The following DLST variants were observed in gnomAD, a reference collection of about 807,000 sequenced individuals.
DLST encodes the protein dihydrolipoamide S-succinyltransferase, also known as dihydrolipoyllysine-residue succinyltransferase component of 2-oxoglutarate dehydrogenase complex, mitochondrial.
Under a neutral mutation model 53.1 loss-of-function variants are expected in DLST, and 17 were observed. That is an observed-to-expected ratio of 0.32 (90% CI 0.22 to 0.48). The LOEUF (loss-of-function observed/expected upper bound fraction) is 0.48. Among genes scored for constraint, DLST ranks in the 20% least tolerant of loss-of-function variants. The probability of loss-of-function intolerance (pLI) is 0.99; values close to 1 mark genes in which losing one functional copy is unlikely to be tolerated. For synonymous variants in DLST, 206 were observed against 204.8 expected (o/e 1.01, Z -0.05); for missense variants, 512 against 583.9 (o/e 0.88, Z 1.27).
chr14:74,886,299 C>G (rs941419780), intron 3 of DLST, among the ~76,000 whole-genome samples: 1 of 152,214 alleles, frequency 6.6e-6, no homozygotes, highest in Non-Finnish European at 1.5e-5. Flanking sequence ...GGATGAGCTT[C>G]TTACTTACTC....
At chr14:74,894,506 TGTCAG>T in intron 10 of DLST, 97 bp downstream of exon 10, 2 of 1,245,376 alleles carry the variant, frequency 1.6e-6, no homozygotes, top group Non-Finnish European at 1.1e-6. Flanking sequence ...AAAACTAACT[TGTCAG>T]GGAAGAGGTA....
intron 5 of DLST, 64 bp downstream of exon 5, chr14:74,889,413 G>GC (rs1566790718): frequency 7.5e-7 from 1 of 1,332,822 alleles, no homozygotes; most frequent in East Asian, 2.5e-5. Context: ...TCTGTTCCCA[G>GC]CCTGGAGTGC....
At chr14:74,900,073 A>C in intron 12 of DLST, 77 bp downstream of exon 12, 1 of 1,284,268 alleles carries the variant, frequency 7.8e-7, no homozygotes, top group Non-Finnish European at 1.1e-6. Flanking sequence ...ACACAAGAGA[A>C]ATCATTTCTT....
chr14:74,900,809 T>C (rs962649036), intron 13 of DLST, among the ~76,000 whole-genome samples: 1 of 152,150 alleles, frequency 6.6e-6, no homozygotes, highest in Non-Finnish European at 1.5e-5. Context: ...ACTGCAGCCT[T>C]GCACTCCTGG....
At chr14:74,896,229 G>GA (rs982443247) in intron 10 of DLST, among the ~76,000 whole-genome samples, 13 of 152,230 alleles carry the variant, frequency 8.5e-5, no homozygotes, top group Non-Finnish European at 1.8e-4. Context: ...CATTCCAGAT[G>GA]ATGTTAACAG....
rs1884196717 is a variant in DLST at position 74,900,147 on chromosome 14, C to T, written c.976-142C>T. 9.3e-6 allele frequency: 10 copies of T among 1,077,146 alleles called. No individual in the cohort carries two copies. The South Asian group carries it at 1.2e-4, about 13-fold the overall frequency. 66.7% of individuals were successfully genotyped at this position (1,077,146 alleles called of 1,614,324 possible). ...CTTTTTTTTCTTTTAAACCATGCCG[C>T]ATTCTTTTAACACTTTCTGTTAATC... is the stretch of plus-strand genomic sequence containing the variant. On this transcript the variant is annotated intron_variant, in intron 12 of 14. Coordinates refer to ENST00000334220, the MANE Select transcript of DLST (RefSeq NM_001933.5).
At chr14:74,883,209 G>A (rs1012228064) in intron 2 of DLST, among the ~76,000 whole-genome samples, 7 of 151,982 alleles carry the variant, frequency 4.6e-5, no homozygotes, top group Non-Finnish European at 1.0e-4. Flanking sequence ...GCACGAGAAT[G>A]GCGTGAAGCC....
At chr14:74,887,034 C>T (rs959048208) in intron 3 of DLST, among the ~76,000 whole-genome samples, 5 of 152,148 alleles carry the variant, frequency 3.3e-5, no homozygotes, top group South Asian at 2.1e-4. Context: ...AGCCACTGCC[C>T]GGCCTGTGTG....
chr14:74,885,525 C>T, intron 2 of DLST, 61 bp from the exon 3 acceptor site: 1 of 1,561,044 alleles, frequency 6.4e-7, no homozygotes, highest in Non-Finnish European at 8.8e-7. Flanking sequence ...CTTTTCCATT[C>T]CCAGCATGTA....
intron 3 of DLST, among the ~76,000 whole-genome samples, chr14:74,887,736 T>C (rs1883757288): frequency 6.6e-6 from 1 of 152,234 alleles, no homozygotes; most frequent in Admixed American, 6.5e-5. Flanking sequence ...TGCACTTGCA[T>C]GTTACCTGTT....
rs1884376382 is a variant in DLST, at chr14:74,903,721, A to G, written c.*1391A>G. 2.0e-5 allele frequency: 3 copies of G among 152,154 alleles called. No individual in the cohort carries two copies. The highest frequency in any genetic ancestry group is 6.5e-5 in the Admixed American group (1 of 15,288). The allele number at this position is 152,154 out of a possible 1,614,324, so 9.4% of individuals were successfully genotyped here. A position where few individuals can be genotyped will look rare whatever the true frequency, so the allele number is the denominator to read the frequency against. On this transcript the variant is annotated 3_prime_UTR_variant, in exon 15 of 15. Coordinates refer to ENST00000334220, the MANE Select transcript of DLST (RefSeq NM_001933.5). ...TTAAAGAAACTGATTTTAAATGCAAATTAAAGGGCAGATATTCTCAAACAG... is the reference window on the plus strand; with the variant it reads ...TTAAAGAAACTGATTTTAAATGCAAGTTAAAGGGCAGATATTCTCAAACAG...
Position 74,881,948 on chromosome 14 carries a change from G to C in DLST, c.-6G>C. The C allele has an allele frequency of 1.3e-6, 2 of 1,551,086 alleles. No individual in the cohort carries two copies. Among genetic ancestry groups the C allele is most frequent in the South Asian group, 1.2e-5 (1 of 85,384 alleles). ...GTGTCCGCCCGCCCTCGGCTCCTCC[G>C]CCGTGATGCTGTCCCGATCCCGCTG... is the stretch of plus-strand genomic sequence containing the variant. On this transcript the variant is annotated 5_prime_UTR_variant, in exon 1 of 15. Transcript: ENST00000334220.
chr14:74,893,436 A>G lies in DLST; in HGVS notation c.672+12A>G, dbSNP rs771481412. 4 of 1,614,194 alleles carry G rather than the reference A, an allele frequency of 2.5e-6. No individual in the cohort carries two copies. ...GTTCAGAACATCGGGTAAGCCTCTG[A>G]GGACCACTTTCAGGAAAGAGGCAGG... On this transcript the variant is annotated intron_variant, in intron 9 of 14. Transcript: ENST00000334220.
chr14:74,895,526 AAGGAGGATCGCTTGAGCTT>A (rs1353840894), intron 10 of DLST, among the ~76,000 whole-genome samples: 36 of 152,236 alleles, frequency 2.4e-4, no homozygotes, highest in Non-Finnish European at 3.5e-4. Context: ...GAGGGTGAGG[AAGGAGGATCGCTTGAGCTT>A]AGGAGTTGGA....
At chr14:74,882,358 G>T (rs1405331205) in intron 1 of DLST, among the ~76,000 whole-genome samples, 2 of 152,198 alleles carry the variant, frequency 1.3e-5, no homozygotes, top group African/African-American at 4.8e-5. Flanking sequence ...CGCCCGTCTC[G>T]TCTTGCTCTG....
chr14:74,887,735 A>G (rs772401383), intron 3 of DLST, among the ~76,000 whole-genome samples: 12 of 152,204 alleles, frequency 7.9e-5, no homozygotes, highest in Non-Finnish European at 1.3e-4. Flanking sequence ...CTGCACTTGC[A>G]TGTTACCTGT....
In DLST at chr14:74,893,404, G is replaced by A. The variant is rs373805549; in HGVS notation, c.652G>A (p.Gly218Ser). Residue 218 changes from glycine (G) to serine (S), a missense_variant, in exon 9 of 15, where the codon GGT becomes AGT. Coordinates refer to ENST00000334220, the MANE Select transcript of DLST (RefSeq NM_001933.5). ...PPLAEPGAGK[G>S]LRSEHREKMN... ...ACTAGCTGAGCCAGGAGCTGGCAAA[G>A]GTCTGCGTTCAGAACATCGGGTAAG... is the stretch of plus-strand genomic sequence containing the variant. 2 of 1,614,102 alleles carry A rather than the reference G, an allele frequency of 1.2e-6. No individual in the cohort carries two copies. The highest frequency in any genetic ancestry group is 1.7e-6 in the Non-Finnish European group (2 of 1,180,046).
chr14:74,891,334 A>G (rs966783239), intron 7 of DLST, 167 bp downstream of exon 7: 11 of 1,393,706 alleles, frequency 7.9e-6, no homozygotes, highest in African/African-American at 2.9e-5. Flanking sequence ...TCAAATGTCA[A>G]ATTCTAAAAG....
chr14:74,883,802 A>C (rs973458965), intron 2 of DLST, among the ~76,000 whole-genome samples: 1 of 152,216 alleles, frequency 6.6e-6, no homozygotes, highest in African/African-American at 2.4e-5. Flanking sequence ...CTGAACTCTT[A>C]ACCCACCATG....
Sources: gnomAD v4.1 joint callset for allele counts (sites outside exome capture counted in the v4.1 genomes callset) on GRCh38, gnomAD v4.1.1 for gene constraint, MANE v1.5 for transcripts, NCBI Gene and HGNC (gene_info 2026-07-23, HGNC 2026-07-21) for gene names.